HDHD3: variants seen among roughly 807,000 people sequenced by gnomAD.
The protein encoded by HDHD3 is haloacid dehalogenase like hydrolase domain containing 3.
Under a neutral mutation model 6.9 loss-of-function variants are expected in HDHD3, and 6 were observed. The observed-to-expected ratio is 0.87, with a 90% CI of 0.48 to 1.72. The LOEUF is 1.72. Ranked by LOEUF, HDHD3 falls within the 40% of genes most tolerant of loss-of-function variation. HDHD3 has a pLI of 0.01. For missense variants in HDHD3, 308 were observed against 327.4 expected (o/e 0.94, Z 0.46); for synonymous variants, 139 against 140.7 (o/e 0.99, Z 0.08).
At chr9:113,374,718 G>C (rs1834420736) in intron 2 of HDHD3, among the ~76,000 whole-genome samples, 189 bp from the exon 3 acceptor site, 1 of 152,158 alleles carries the variant, frequency 6.6e-6, no homozygotes, top group Non-Finnish European at 1.5e-5. Flanking sequence ...GGCATTTACA[G>C]GCACTGAAGA....
In HDHD3 at chr9:113,374,109, G is replaced by C. The variant is rs770314880; in HGVS notation, c.246C>G (p.Thr82=). 7 of 1,604,686 alleles carry C rather than the reference G, an allele frequency of 4.4e-6. No individual in the cohort carries two copies. Among genetic ancestry groups the C allele is most frequent in the Admixed American group, 1.7e-5 (1 of 59,800 alleles). Residue 82 remains threonine (T), a synonymous_variant, in exon 3 of 3, where the codon ACC becomes ACG. Transcript: ENST00000374180. ...CATCCTGGACACCCGCCAGGTGGAA[G>C]GTCTGCAGGACCACATCCAGCCACC... ...RQWWLDVVLQ[T]FHLAGVQDAQ...
rs1429913405 is a variant in HDHD3, at chr9:113,374,177, A to G, written c.178T>C (p.Phe60Leu). The change falls in exon 3 of 3, where the codon TTC becomes CTC. Residue 60 changes from phenylalanine to leucine, a missense_variant. Transcript: ENST00000374180. ...RQAYRAQSHSFPNYGLSHGLT... is the reference protein window; with the variant it reads ...RQAYRAQSHSLPNYGLSHGLT... ...CCGTGGCTCAGGCCGTAGTTGGGGA[A>G]GCTGTGGCTCTGAGCCCTGTATGCC... 2 of 1,597,596 alleles carry G rather than the reference A, an allele frequency of 1.3e-6. No homozygotes were observed. The highest frequency in any genetic ancestry group is 4.5e-5 in the East Asian group (2 of 44,536).
intron 2 of HDHD3, among the ~76,000 whole-genome samples, chr9:113,374,924 G>A (rs1834426000): frequency 6.6e-6 from 1 of 151,956 alleles, no homozygotes; most frequent in Non-Finnish European, 1.5e-5. Context: ...CTCCCAGGCT[G>A]GAGTGCATGG....
Position 113,374,387 on chromosome 9 carries a change from AGGTCCCACGGTG to A in HDHD3, c.-45_-34del. On this transcript the variant is annotated 5_prime_UTR_variant, in exon 3 of 3. Coordinates refer to ENST00000374180, the MANE Select transcript of HDHD3 (RefSeq NM_001304509.2). ...GCCAAGTCCACCCCAGTTCTGCCTCAGGTCCCACGGTGGGTCCCAGGGGAAGCTGAGCTGGAT... is the reference window on the plus strand; with the variant it reads ...GCCAAGTCCACCCCAGTTCTGCCTCAGGTCCCAGGGGAAGCTGAGCTGGAT... 1 of 1,496,632 alleles carries A rather than the reference AGGTCCCACGGTG, an allele frequency of 6.7e-7. No individual in the cohort carries two copies. Among genetic ancestry groups the A allele is most frequent in the East Asian group, 2.3e-5 (1 of 43,586 alleles). The allele number at this position is 1,496,632 out of a possible 1,614,324, so 92.7% of individuals were successfully genotyped here. A position where few individuals can be genotyped will look rare whatever the true frequency, so the allele number is the denominator to read the frequency against.
chr9:113,373,841 T>A lies in HDHD3; in HGVS notation c.514A>T (p.Ile172Phe). ...AAGWPKPDPR[I>F]FQEALRLAHM... ...GCAAGCCGCAAGGCCTCCTGGAAAATGCGGGGGTCCGGCTTGGGCCAGCCA... is the reference window on the plus strand; with the variant it reads ...GCAAGCCGCAAGGCCTCCTGGAAAAAGCGGGGGTCCGGCTTGGGCCAGCCA... The change falls in exon 3 of 3, where the codon ATT becomes TTT. Residue 172 changes from isoleucine (I) to phenylalanine (F), a missense_variant. By Grantham distance (21) the Ile-to-Phe change is conservative. Transcript: ENST00000374180. 3 of 1,614,052 alleles carry A rather than the reference T, an allele frequency of 1.9e-6. No individual in the cohort carries two copies. Among genetic ancestry groups the A allele is most frequent in the Non-Finnish European group, 2.5e-6 (3 of 1,179,966 alleles).
rs554362272 is a variant in HDHD3, at chr9:113,376,899, G to C, written c.-461C>G. On this transcript the variant is annotated 5_prime_UTR_variant, in exon 1 of 3. Coordinates refer to ENST00000374180, the MANE Select transcript of HDHD3 (RefSeq NM_001304509.2). ...TCAGCTGTAGGGCGTCCACGGCTCC[G>C]GGCCGGTTCCTGGGCCCAGGACCCA... 2.0e-5 allele frequency: 3 copies of C among 152,192 alleles called. No homozygotes were observed. Among genetic ancestry groups the C allele is most frequent in the Non-Finnish European group, 2.9e-5 (2 of 68,076 alleles). The allele number at this position is 152,192 out of a possible 1,614,324, so 9.4% of individuals were successfully genotyped here. A position where few individuals can be genotyped will look rare whatever the true frequency, so the allele number is the denominator to read the frequency against.
intron 1 of HDHD3, among the ~76,000 whole-genome samples, chr9:113,376,374 C>CAG (rs1834463264): frequency 8.5e-6 from 1 of 117,214 alleles, no homozygotes; most frequent in African/African-American, 3.7e-5. Flanking sequence ...TTTTTTGAGA[C>CAG]AGAGTCTCAC....
In HDHD3 at chr9:113,374,223, G is replaced by A; in HGVS notation, c.132C>T (p.Ala44=). ...ATGCCTGCCTGAAGCCTTGTTCCAGGGCTGAGGGCTCCACCTCCAGCCCAT... is the reference window on the plus strand; with the variant it reads ...ATGCCTGCCTGAAGCCTTGTTCCAGAGCTGAGGGCTCCACCTCCAGCCCAT... ...RAHGLEVEPS[A]LEQGFRQAYR... The change falls in exon 3 of 3, where the codon GCC becomes GCT. Residue 44 remains alanine, a synonymous_variant. Transcript: ENST00000374180. 6.2e-7 allele frequency: 1 copy of A among 1,607,160 alleles called. No individual in the cohort carries two copies. The highest frequency in any genetic ancestry group is 2.2e-5 in the East Asian group (1 of 44,688).
rs1783750365 is a variant in HDHD3, at chr9:113,375,523, TC to T, written c.-247del. On this transcript the variant is annotated 5_prime_UTR_variant, in exon 2 of 3. It introduces an in-frame stop codon into an upstream open reading frame of the 5' UTR. Coordinates refer to ENST00000374180, the MANE Select transcript of HDHD3 (RefSeq NM_001304509.2). ...ACTTCCAGACTCTCTGGCCAGTTCT[TC>T]CACTGTACCATGAGATATATTTGGA... is the stretch of plus-strand genomic sequence containing the variant. 6.6e-6 allele frequency: 1 copy of T among 152,360 alleles called. No individual in the cohort carries two copies. The highest frequency in any genetic ancestry group is 6.5e-5 in the Admixed American group (1 of 15,298). 9.4% of individuals were successfully genotyped at this position (152,360 alleles called of 1,614,324 possible). A position where few individuals can be genotyped will look rare whatever the true frequency, so the allele number is the denominator to read the frequency against.
chr9:113,373,979 T>G lies in HDHD3; in HGVS notation c.376A>C (p.Thr126Pro), dbSNP rs999643564. ...GAEDTLRECRTRGLRLAVISN... is the reference protein window; with the variant it reads ...GAEDTLRECRPRGLRLAVISN... ...ATCACTGCCAGTCTCAGACCCCGTG[T>G]GCGGCACTCCCTCAGGGTGTCCTCA... is the stretch of plus-strand genomic sequence containing the variant. Residue 126 changes from threonine (T) to proline (P), a missense_variant, in exon 3 of 3, where the codon ACA (threonine) becomes CCA (proline). Coordinates refer to ENST00000374180, the MANE Select transcript of HDHD3 (RefSeq NM_001304509.2). The G allele has an allele frequency of 6.8e-6, 11 of 1,614,122 alleles. No individual in the cohort carries two copies. Among genetic ancestry groups the G allele is most frequent in the Non-Finnish European group, 9.3e-6 (11 of 1,180,058 alleles).
chr9:113,376,941 G>C lies in HDHD3; in HGVS notation c.-503C>G, dbSNP rs930543046. On this transcript the variant is annotated 5_prime_UTR_variant, in exon 1 of 3. Coordinates refer to ENST00000374180, the MANE Select transcript of HDHD3 (RefSeq NM_001304509.2). ...CAGGACCCACCTGACTCACAAGGAA[G>C]CAGATTGAAAACGCAGCCGCAAGGC... 1.3e-5 allele frequency: 2 copies of C among 152,258 alleles called. No homozygotes were observed. Among genetic ancestry groups the C allele is most frequent in the African/African-American group, 4.8e-5 (2 of 41,444 alleles). 9.4% of individuals were successfully genotyped at this position (152,258 alleles called of 1,614,324 possible).
chr9:113,375,873 T>C (rs1834446878), intron 1 of HDHD3: 1 of 152,066 alleles, frequency 6.6e-6, no homozygotes, highest in African/African-American at 2.4e-5. Flanking sequence ...TGGGGGAGCC[T>C]TGGAGGAAGT....
At chr9:113,376,658 G>C (rs1475980988) in intron 1 of HDHD3, 71 bp downstream of exon 1, 2 of 138,866 alleles carry the variant, frequency 1.4e-5, no homozygotes, top group Non-Finnish European at 3.1e-5. Flanking sequence ...GAGCCACCGC[G>C]CCCGGCAGGG....
At position 113,373,701 on chromosome 9, in the gene HDHD3, G is replaced by A. The variant is rs1416794131; in HGVS notation, c.654C>T (p.Asp218=). The A allele has an allele frequency of 5.0e-6, 8 of 1,613,942 alleles. No individual in the cohort carries two copies. The highest frequency in any genetic ancestry group is 5.9e-6 in the Non-Finnish European group (7 of 1,179,992). Reference sequence around the variant, plus strand: ...TAGGTACAGAATCCCTGACCACGGGGTCCAGTGCCTGTGGGCCAACCACCA... The same window carrying A: ...TAGGTACAGAATCCCTGACCACGGGATCCAGTGCCTGTGGGCCAACCACCA... ...SFLVVGPQAL[D]PVVRDSVPKE... Residue 218 remains aspartate, a synonymous_variant, in exon 3 of 3, where the codon GAC becomes GAT. Transcript: ENST00000374180.
In HDHD3 at chr9:113,373,778, T is replaced by G; in HGVS notation, c.577A>C (p.Asn193His). The G allele has an allele frequency of 6.2e-7, 1 of 1,612,518 alleles. No individual in the cohort carries two copies. Among genetic ancestry groups the G allele is most frequent in the East Asian group, 2.2e-5 (1 of 44,818 alleles). Reference protein sequence around the residue: ...EPVVAAHVGDNYLCDYQGPRA... With the variant: ...EPVVAAHVGDHYLCDYQGPRA... ...GGCCCCTGGTAATCGCAGAGGTAAT[T>G]ATCCCCAACATGGGCTGCCACTACT... Residue 193 changes from asparagine to histidine, a missense_variant, in exon 3 of 3, where the codon AAT becomes CAT. By Grantham distance (68) the Asn-to-His change is moderately conservative. Transcript: ENST00000374180.
rs1834475051 is a variant in HDHD3, at chr9:113,376,714, G to C, written c.-291+15C>G. 6.6e-6 allele frequency: 1 copy of C among 152,186 alleles called. No individual in the cohort carries two copies. The highest frequency in any genetic ancestry group is 6.5e-5 in the Admixed American group (1 of 15,290). 9.4% of individuals were successfully genotyped at this position (152,186 alleles called of 1,614,324 possible). A position where few individuals can be genotyped will look rare whatever the true frequency, so the allele number is the denominator to read the frequency against. ...GCGGGTTTGGGGCTCTGCGCTGCAG[G>C]CACGAACTGCTCACCTTTTCTCCCC... On this transcript the variant is annotated intron_variant, in intron 1 of 2. Transcript: ENST00000374180.
In HDHD3 at chr9:113,373,791, G is replaced by A. The variant is rs760078458; in HGVS notation, c.564C>T (p.Ala188=). Residue 188 remains alanine, a synonymous_variant, in exon 3 of 3, where the codon GCC becomes GCT. Transcript: ENST00000374180. ...CGCAGAGGTAATTATCCCCAACATG[G>A]GCTGCCACTACTGGTTCCATATGAG... ...RLAHMEPVVA[A]HVGDNYLCDY... 12 of 1,612,302 alleles carry A rather than the reference G, an allele frequency of 7.4e-6. No individual in the cohort carries two copies. In the South Asian group the frequency reaches 1.1e-4, roughly 15 times the overall value.
At position 113,373,843 on chromosome 9, in the gene HDHD3, C is replaced by T. The variant is rs201946311; in HGVS notation, c.512G>A (p.Arg171His). 24 of 1,614,142 alleles carry T rather than the reference C, an allele frequency of 1.5e-5. No homozygotes were observed. The highest frequency in any genetic ancestry group is 5.5e-5 in the South Asian group (5 of 91,084). ...EAAGWPKPDP[R>H]IFQEALRLAH... ...AAGCCGCAAGGCCTCCTGGAAAATG[C>T]GGGGGTCCGGCTTGGGCCAGCCAGC... Residue 171 changes from arginine to histidine, a missense_variant, in exon 3 of 3, where the codon CGC (arginine) becomes CAC (histidine). Arg to His is a conservative substitution (Grantham distance 29). Transcript: ENST00000374180.
rs1395563237 is a variant in HDHD3, at chr9:113,376,848, C to T, written c.-410G>A. On this transcript the variant is annotated 5_prime_UTR_variant, in exon 1 of 3. Transcript: ENST00000374180. ...GGGCGGCGGTCCTAGGGGCCTTGGCCGCGGCCGACCCCTTGGGTCCCCTTC... is the reference window on the plus strand; with the variant it reads ...GGGCGGCGGTCCTAGGGGCCTTGGCTGCGGCCGACCCCTTGGGTCCCCTTC... The T allele has an allele frequency of 6.6e-6, 1 of 152,270 alleles. No homozygotes were observed. The highest frequency in any genetic ancestry group is 1.5e-5 in the Non-Finnish European group (1 of 68,076). 9.4% of individuals were successfully genotyped at this position (152,270 alleles called of 1,614,324 possible).
Sources: allele counts gnomAD v4.1 joint callset (sites outside exome capture counted in the v4.1 genomes callset), GRCh38; gene constraint gnomAD v4.1.1; transcripts MANE v1.5; gene names NCBI Gene and HGNC (gene_info 2026-07-23, HGNC 2026-07-21).